The following TMTC2 variants were observed in gnomAD, a reference collection of about 807,000 sequenced individuals.
TMTC2 encodes protein O-mannosyl-transferase TMTC2.
TMTC2 carries 43 observed loss-of-function variants against 82.4 expected under a neutral mutation model. The ratio of observed to expected loss-of-function variants is 0.52; its 90% confidence interval spans 0.41 to 0.67. The LOEUF (loss-of-function observed/expected upper bound fraction) is 0.67, where lower values mean the gene tolerates loss of function less well. TMTC2 is among the 30% of genes least tolerant of loss of function. The pLI is 0.00. For missense variants in TMTC2, 919 were observed against 1,012.4 expected, an observed-to-expected ratio of 0.91 and a Z score of 1.25; for synonymous variants, 408 against 381.9, an observed-to-expected ratio of 1.07 and a Z score of -0.80.
chr12:82,885,860 C>A (rs1873072222), intron 2 of TMTC2, among the ~76,000 whole-genome samples: 1 of 152,174 alleles, frequency 6.6e-6, no homozygotes, highest in Non-Finnish European at 1.5e-5. Flanking sequence ...CCAACCAGTT[C>A]ATACTGTGCC....
At chr12:82,691,755 G>A (rs1454389041) in intron 1 of TMTC2, among the ~76,000 whole-genome samples, 1 of 152,070 alleles carries the variant, frequency 6.6e-6, no homozygotes, top group Non-Finnish European at 1.5e-5. Context: ...TGTAACTACT[G>A]AAGGCAGGCC....
chr12:83,113,632 A>G (rs762383580), intron 11 of TMTC2, among the ~76,000 whole-genome samples: 8 of 152,254 alleles, frequency 5.3e-5, no homozygotes, highest in Non-Finnish European at 8.8e-5. Context: ...GGCTTAGAGT[A>G]CAGCGTGGCT....
At chr12:82,974,549 G>A (rs575470573) in intron 7 of TMTC2, among the ~76,000 whole-genome samples, 4 of 152,276 alleles carry the variant, frequency 2.6e-5, no homozygotes, top group African/African-American at 7.2e-5. Context: ...CACATATTTA[G>A]AATAGGCAAC....
chr12:83,030,698 A>C, intron 8 of TMTC2, 100 bp from the exon 9 acceptor site: 1 of 912,404 alleles, frequency 1.1e-6, no homozygotes, highest in Non-Finnish European at 1.7e-6. Context: ...CTTTCCTATG[A>C]TGATTACCAA....
intron 8 of TMTC2, among the ~76,000 whole-genome samples, chr12:83,017,882 G>A (rs983101102): frequency 3.3e-5 from 5 of 151,094 alleles, no homozygotes; most frequent in Admixed American, 6.6e-5. Flanking sequence ...TGTCAGAACC[G>A]GACTAGAACT....
At chr12:83,066,009 A>T (rs1027576430) in intron 11 of TMTC2, among the ~76,000 whole-genome samples, 1 of 151,992 alleles carries the variant, frequency 6.6e-6, no homozygotes, top group Non-Finnish European at 1.5e-5. Flanking sequence ...TTTTTTATCA[A>T]GTTCCAGCTT....
intron 1 of TMTC2, among the ~76,000 whole-genome samples, chr12:82,785,323 C>T (rs1456053606): frequency 2.0e-5 from 3 of 151,410 alleles, no homozygotes; most frequent in Non-Finnish European, 2.9e-5. Flanking sequence ...CTGGTTTCAG[C>T]TATTTTAATT....
In TMTC2 at chr12:82,881,683, A is replaced by G. The variant is rs544014602; in HGVS notation, c.655-14135A>G. Among the ~76,000 whole-genome samples the G allele has an allele frequency of 3.3e-5, 5 of 152,358 alleles. No individual in the cohort carries two copies. The South Asian group carries it at 8.3e-4, about 25-fold the overall frequency. ...ATGTCAACATAACATGAAATACTCC[A>G]CTAGCTTATTACTGTAAAGTTAGTA... On this transcript the variant is annotated intron_variant, in intron 2 of 11. Coordinates refer to ENST00000321196, the MANE Select transcript of TMTC2 (RefSeq NM_152588.3).
chr12:83,111,951 A>C lies in TMTC2; in HGVS notation c.2332-20259A>C, dbSNP rs189902970. 1.8e-3 allele frequency among the ~76,000 whole-genome samples: 275 copies of C among 152,028 alleles called. 3 individuals carry two copies. Among genetic ancestry groups the C allele is most frequent in the African/African-American group, 6.2e-3 (255 of 41,448 alleles). On this transcript the variant is annotated intron_variant, in intron 11 of 11. Coordinates refer to ENST00000321196, the MANE Select transcript of TMTC2 (RefSeq NM_152588.3). ...TGGCAAAACCTCGTCTCTACAAAAA[A>C]AAAAAACATCCAGGTATGGTGGCAC... is the stretch of plus-strand genomic sequence containing the variant.
intron 8 of TMTC2, among the ~76,000 whole-genome samples, chr12:83,003,272 A>G (rs904935632): frequency 6.6e-6 from 1 of 152,114 alleles, no homozygotes; most frequent in Admixed American, 6.6e-5. Flanking sequence ...TTTGTCAGAC[A>G]GGTCTTTCTT....
intron 9 of TMTC2, among the ~76,000 whole-genome samples, chr12:83,050,654 T>G (rs1053982955): frequency 8.5e-5 from 13 of 152,102 alleles, no homozygotes; most frequent in Non-Finnish European, 1.3e-4. Flanking sequence ...AATTTATTCA[T>G]CATATATCTT....
intron 2 of TMTC2, among the ~76,000 whole-genome samples, chr12:82,869,945 C>G (rs1703104): frequency 6.6e-6 from 1 of 152,048 alleles, no homozygotes; most frequent in Non-Finnish European, 1.5e-5. Context: ...ACGGTATATT[C>G]TAGCCTCTCC....
intron 6 of TMTC2, 143 bp downstream of exon 6, chr12:82,965,887 T>G (rs1878184571): frequency 1.3e-6 from 1 of 789,530 alleles, no homozygotes. Flanking sequence ...TTTGAGAAAC[T>G]AATACATGAT....
Position 83,108,147 on chromosome 12 carries a change from TTCTTTATAAA to T in TMTC2, c.2332-24060_2332-24051del, listed in dbSNP as rs1381143947. 4.6e-5 allele frequency among the ~76,000 whole-genome samples: 7 copies of T among 152,310 alleles called. No homozygotes were observed. The East Asian group carries it at 1.3e-3, about 29-fold the overall frequency. On this transcript the variant is annotated intron_variant, in intron 11 of 11. Coordinates refer to ENST00000321196, the MANE Select transcript of TMTC2 (RefSeq NM_152588.3). Reference sequence around the variant, plus strand: ...GAACCATGAGCCAATTAAGCCTCTGTTCTTTATAAATCGCCCAGTCTCAGTTCTTTATAGC... The same window carrying T: ...GAACCATGAGCCAATTAAGCCTCTGTTCGCCCAGTCTCAGTTCTTTATAGC...
In TMTC2 at chr12:82,687,394, G is replaced by C; in HGVS notation, c.-193G>C. ...GCCCGCACCCGGGGAGGACGCAGGA[G>C]CTGCGGAGACGGGCGCGAGGAGGAG... On this transcript the variant is annotated 5_prime_UTR_variant, in exon 1 of 12. Coordinates refer to ENST00000321196, the MANE Select transcript of TMTC2 (RefSeq NM_152588.3). 1.6e-6 allele frequency: 1 copy of C among 609,536 alleles called. No homozygotes were observed. Among genetic ancestry groups the C allele is most frequent in the Non-Finnish European group, 2.9e-6 (1 of 343,968 alleles). The allele number at this position is 609,536 out of a possible 1,614,324, so 37.8% of individuals were successfully genotyped here. A position where few individuals can be genotyped will look rare whatever the true frequency, so the allele number is the denominator to read the frequency against.
intron 7 of TMTC2, among the ~76,000 whole-genome samples, chr12:82,979,241 G>T (rs1878814776): frequency 6.6e-6 from 1 of 151,356 alleles, no homozygotes; most frequent in Non-Finnish European, 1.5e-5. Flanking sequence ...TGGTCATTTT[G>T]TGGTCTTCTT....
At position 82,762,465 on chromosome 12, in the gene TMTC2, C is replaced by T. The variant is rs12299177; in HGVS notation, c.83+74796C>T. Among the ~76,000 whole-genome samples, 635 of 152,334 alleles carry T rather than the reference C, an allele frequency of 4.2e-3. 4 individuals are homozygous for T. The highest frequency in any genetic ancestry group is 0.014 in the African/African-American group (602 of 41,574). On this transcript the variant is annotated intron_variant, in intron 1 of 11. Coordinates refer to ENST00000321196, the MANE Select transcript of TMTC2 (RefSeq NM_152588.3). ...GCCTTGCCACCAAACAATTCTCTTC[C>T]TGAGAGGAATGCCGTGGCCGCTTAA... is the stretch of plus-strand genomic sequence containing the variant.
chr12:82,909,224 A>G (rs932017609), intron 3 of TMTC2, among the ~76,000 whole-genome samples: 1 of 152,196 alleles, frequency 6.6e-6, no homozygotes, highest in African/African-American at 2.4e-5. Context: ...GACCTCCTGC[A>G]TGAAGTTCAT....
At chr12:82,695,502 T>A (rs115367218) in intron 1 of TMTC2, among the ~76,000 whole-genome samples, 2,079 of 152,332 alleles carry the variant, frequency 0.014, 43 homozygotes, top group African/African-American at 0.048. Context: ...TTGAGAGAGG[T>A]AGATAAGTCA....
Sources: allele counts gnomAD v4.1 joint callset (sites outside exome capture counted in the v4.1 genomes callset), GRCh38; gene constraint gnomAD v4.1.1; transcripts MANE v1.5; gene names NCBI Gene and HGNC (gene_info 2026-07-23, HGNC 2026-07-21).